Variants in RERE observed in about 807,000 individuals in gnomAD.
RERE encodes the protein arginine-glutamic acid dipeptide repeats, also known as arginine-glutamic acid dipeptide repeats protein.
Under a neutral mutation model 146.1 loss-of-function variants are expected in RERE, and 40 were observed. The observed-to-expected ratio is 0.27, with a 90% CI of 0.21 to 0.36. The LOEUF (loss-of-function observed/expected upper bound fraction) is 0.36, where lower values mean the gene tolerates loss of function less well. Ranked by LOEUF, RERE falls within the 10% of genes least tolerant of loss-of-function variation. The pLI is 1.00. For missense variants in RERE, 1,933 were observed against 2,138.7 expected (o/e 0.90, Z 1.90); for synonymous variants, 1,003 against 866.0 (o/e 1.16, Z -2.78).
At chr1:8,701,392 T>C (rs1639447839) in intron 1 of RERE, among the ~76,000 whole-genome samples, 1 of 151,518 alleles carries the variant, frequency 6.6e-6, no homozygotes. Flanking sequence ...TTGTAACATA[T>C]CCTATACGCT....
At chr1:8,759,772 A>C (rs919896717) in intron 1 of RERE, among the ~76,000 whole-genome samples, 1 of 151,922 alleles carries the variant, frequency 6.6e-6, no homozygotes, top group African/African-American at 2.4e-5. Flanking sequence ...AAACACTACA[A>C]AATTCAAATG....
At chr1:8,441,793 G>A (rs1644252317) in intron 11 of RERE, among the ~76,000 whole-genome samples, 2 of 151,858 alleles carry the variant, frequency 1.3e-5, no homozygotes, top group African/African-American at 4.8e-5. Context: ...TAAATGTTAA[G>A]CAAAAATGAA....
intron 1 of RERE, among the ~76,000 whole-genome samples, chr1:8,761,436 C>T (rs1461047145): frequency 6.6e-6 from 1 of 152,174 alleles, no homozygotes; most frequent in Non-Finnish European, 1.5e-5. Flanking sequence ...TCTTCTTCCT[C>T]AAATCAGTTT....
At chr1:8,751,087 G>A in intron 1 of RERE, 1 of 501,368 alleles carries the variant, frequency 2.0e-6, no homozygotes, top group Non-Finnish European at 3.6e-6. Context: ...GCGGAATGAA[G>A]AAAACCTTGA....
intron 1 of RERE, among the ~76,000 whole-genome samples, chr1:8,805,007 G>GTTTTTTTTTTTTTTTTTTTTTTTTTTTT (rs1557553356): frequency 3.3e-5 from 2 of 61,362 alleles, no homozygotes; most frequent in Non-Finnish European, 6.3e-5. Flanking sequence ...TTTTGTTTTT[G>GTTTTTTTTTTTTTTTTTTTTTTTTTTTT]GTTTTTTTTT....
In RERE at chr1:8,355,452, C is replaced by G. The variant is rs2124352385; in HGVS notation, c.4634G>C (p.Gly1545Ala). ...QWLHGHPHMH[G>A]GHLPSQEDYY... is the part of the protein sequence containing the mutation. ...ATCTTCCTGACTTGGTAGGTGGCCACCATGCATGTGGGGGTGTCCATGCAG... is the reference window on the plus strand; with the variant it reads ...ATCTTCCTGACTTGGTAGGTGGCCAGCATGCATGTGGGGGTGTCCATGCAG... Residue 1545 changes from glycine (G) to alanine (A), a missense_variant, in exon 22 of 23, where the codon GGT becomes GCT. Coordinates refer to ENST00000400908, the MANE Select transcript of RERE (RefSeq NM_001042681.2). 1 of 1,613,110 alleles carries G rather than the reference C, an allele frequency of 6.2e-7. No homozygotes were observed. The highest frequency in any genetic ancestry group is 1.7e-4 in the Middle Eastern group (1 of 5,942).
intron 1 of RERE, among the ~76,000 whole-genome samples, chr1:8,766,576 A>AAGAGAGAG (rs561437590): frequency 1.3e-5 from 2 of 151,348 alleles, no homozygotes; most frequent in African/African-American, 2.4e-5. Flanking sequence ...AAAGAAAAAA[A>AAGAGAGAG]AGAGAGAGAG....
chr1:8,725,493 G>C (rs916614709), intron 1 of RERE, among the ~76,000 whole-genome samples: 2 of 152,194 alleles, frequency 1.3e-5, no homozygotes, highest in Non-Finnish European at 2.9e-5. Flanking sequence ...TTGAACCCGG[G>C]AGGCAGAGGT....
At chr1:8,625,730 G>A (rs540698743) in intron 2 of RERE, among the ~76,000 whole-genome samples, 9 of 152,264 alleles carry the variant, frequency 5.9e-5, no homozygotes, top group South Asian at 2.1e-4. Flanking sequence ...TGTTGAGAGC[G>A]AAGAAAAAGC....
intron 11 of RERE, among the ~76,000 whole-genome samples, chr1:8,462,443 G>A (rs1359936637): frequency 1.3e-5 from 2 of 152,248 alleles, no homozygotes; most frequent in Non-Finnish European, 2.9e-5. Context: ...AGGGAGCACT[G>A]GCCGCGGGAT....
In RERE at chr1:8,784,417, A is replaced by G. The variant is rs145987949; in HGVS notation, c.-145+32743T>C. Among the ~76,000 whole-genome samples the G allele has an allele frequency of 1.6e-4, 25 of 152,294 alleles. 1 individual carries two copies. The East Asian group carries it at 4.8e-3, about 29-fold the overall frequency. ...TCTTGTTTATTACCCATTGGATTCC[A>G]TAGAATATAAGCTCCACAGAGGCAG... On this transcript the variant is annotated intron_variant, in intron 1 of 22. Transcript: ENST00000400908.
intron 19 of RERE, among the ~76,000 whole-genome samples, 157 bp from the exon 20 acceptor site, chr1:8,359,073 G>C (rs1321202021): frequency 6.6e-6 from 1 of 152,240 alleles, no homozygotes; most frequent in African/African-American, 2.4e-5. Context: ...CCTGACACCA[G>C]GATGCAGTCC....
chr1:8,495,039 T>G, intron 10 of RERE, 24 bp downstream of exon 10: 1 of 1,535,720 alleles, frequency 6.5e-7, no homozygotes, highest in Non-Finnish European at 9.0e-7. Context: ...GTCTTCCCAC[T>G]CAGGGTGACT....
intron 11 of RERE, among the ~76,000 whole-genome samples, chr1:8,432,014 G>A (rs564433732): frequency 1.3e-5 from 2 of 152,180 alleles, no homozygotes; most frequent in African/African-American, 2.4e-5. Context: ...CCAACTACAG[G>A]GCCACGTCAT....
At position 8,584,483 on chromosome 1, in the gene RERE, G is replaced by A. The variant is rs1465253673; in HGVS notation, c.523-26960C>T. Reference sequence around the variant, plus strand: ...AATCACATAAGCACAGGAATTTGAGGTTACAGTGAGCTATGATCCTGCCAC... The same window carrying A: ...AATCACATAAGCACAGGAATTTGAGATTACAGTGAGCTATGATCCTGCCAC... On this transcript the variant is annotated intron_variant, in intron 4 of 22. Coordinates refer to ENST00000400908, the MANE Select transcript of RERE (RefSeq NM_001042681.2). Among the ~76,000 whole-genome samples, 3 of 152,158 alleles carry A rather than the reference G, an allele frequency of 2.0e-5. No individual in the cohort carries two copies. In the East Asian group the frequency reaches 5.8e-4, roughly 29 times the overall value.
chr1:8,787,891 A>G (rs1199163369), intron 1 of RERE, among the ~76,000 whole-genome samples: 2 of 151,930 alleles, frequency 1.3e-5, no homozygotes, highest in African/African-American at 2.4e-5. Context: ...TCTTAATTTA[A>G]AAGTATTACC....
At chr1:8,510,439 A>G (rs887207500) in intron 7 of RERE, among the ~76,000 whole-genome samples, 8 of 152,198 alleles carry the variant, frequency 5.3e-5, no homozygotes, top group African/African-American at 1.9e-4. Flanking sequence ...CATACAAGTC[A>G]TCTTCATTTC....
At chr1:8,415,022 G>A (rs996776711) in intron 12 of RERE, among the ~76,000 whole-genome samples, 2 of 152,112 alleles carry the variant, frequency 1.3e-5, no homozygotes, top group Non-Finnish European at 2.9e-5. Context: ...AAATGAACTA[G>A]TTATTCAAGG....
chr1:8,507,893 C>A (rs901398608), intron 8 of RERE, among the ~76,000 whole-genome samples: 4 of 151,916 alleles, frequency 2.6e-5, no homozygotes, highest in Admixed American at 1.3e-4. Context: ...GCGCCTGCCA[C>A]CACGCCCGGC....
Sources: gnomAD v4.1 joint callset for allele counts (sites outside exome capture counted in the v4.1 genomes callset) on GRCh38, gnomAD v4.1.1 for gene constraint, MANE v1.5 for transcripts, NCBI Gene and HGNC (gene_info 2026-07-23, HGNC 2026-07-21) for gene names.